The following EPHA1 variants were observed in gnomAD, a reference collection of about 807,000 sequenced individuals.
EPHA1 encodes EPH receptor A1, also known as ephrin type-A receptor 1.
A neutral mutation model predicts 110.1 loss-of-function variants in EPHA1; 92 were observed. That is an observed-to-expected ratio of 0.84 (90% CI 0.71 to 0.99). EPHA1 has a LOEUF of 0.99. Ranked by LOEUF, EPHA1 falls within the 50% of genes least tolerant of loss-of-function variation. EPHA1 has a pLI of 0.00. For synonymous variants in EPHA1, 500 were observed against 516.1 expected (o/e 0.97, Z 0.42); for missense variants, 1,204 against 1,285.4 (o/e 0.94, Z 0.97).
At chr7:143,406,767 G>A (rs1432714605) in intron 2 of EPHA1, among the ~76,000 whole-genome samples, 1 of 152,224 alleles carries the variant, frequency 6.6e-6, no homozygotes, top group Non-Finnish European at 1.5e-5. Flanking sequence ...ATCCCTACAC[G>A]CATTTTGGTG....
At position 143,391,351 on chromosome 7, in the gene EPHA1, G is replaced by A. The variant is rs1485561825; in HGVS notation, c.*106C>T. 1.1e-4 allele frequency: 146 copies of A among 1,355,246 alleles called. 1 individual carries two copies. Among genetic ancestry groups the A allele is most frequent in the Admixed American group, 2.0e-5 (1 of 49,734 alleles). The allele number at this position is 1,355,246 out of a possible 1,614,324, so 84.0% of individuals were successfully genotyped here. ...AAAGTGGGCAGAAGCAGCACCGATA[G>A]CCTAGTCTGGCAGGTTGTGGGAAGG... On this transcript the variant is annotated 3_prime_UTR_variant, in exon 18 of 18. Transcript: ENST00000275815.
chr7:143,395,360 C>T lies in EPHA1; in HGVS notation c.2042G>A (p.Ser681Asn). Residue 681 changes from serine (S) to asparagine (N), a missense_variant, in exon 12 of 18, where the codon AGC becomes AAC. Physicochemically the swap from Ser to Asn is conservative, Grantham distance 46 (BLOSUM62 1). Transcript: ENST00000275815. This position sits in a 1 kb window ranked among gnomAD's most constrained non-coding sequence, Gnocchi z 4.7. Reference sequence around the variant, plus strand: ...TTCCAGATGCAGAATATGCGGGTGGCTAAACTGGCCCATGATAGTTGCCTC... The same window carrying T: ...TTCCAGATGCAGAATATGCGGGTGGTTAAACTGGCCCATGATAGTTGCCTC... ...LREATIMGQF[S>N]HPHILHLEGV... 1 of 1,614,224 alleles carries T rather than the reference C, an allele frequency of 6.2e-7. No homozygotes were observed. The highest frequency in any genetic ancestry group is 8.5e-7 in the Non-Finnish European group (1 of 1,180,040).
chr7:143,404,107 A>G (rs772585236), intron 2 of EPHA1, among the ~76,000 whole-genome samples: 27 of 152,216 alleles, frequency 1.8e-4, no homozygotes, highest in Non-Finnish European at 3.4e-4. Flanking sequence ...AAGTTTTCCT[A>G]TCTCAAGATT....
intron 2 of EPHA1, among the ~76,000 whole-genome samples, chr7:143,404,091 C>T (rs1342162925): frequency 6.6e-6 from 1 of 152,038 alleles, no homozygotes; most frequent in Non-Finnish European, 1.5e-5. Context: ...GTATATTTGA[C>T]TTGGGAAGTT....
rs1131885 is a variant in EPHA1, at chr7:143,391,433, T to C, written c.*24A>G. 0.33 allele frequency: 533,887 copies of C among 1,612,788 alleles called. 95,875 individuals are homozygous for C. Among genetic ancestry groups the C allele is most frequent in the Non-Finnish European group, 0.37 (437,930 of 1,179,280 alleles). ...CCCGTCCTTGCTCCTTGCACCCTGA[T>C]TGGGCATGGGGTGAGAGGAGGGATC... On this transcript the variant is annotated 3_prime_UTR_variant, in exon 18 of 18. Transcript: ENST00000275815.
At position 143,395,506 on chromosome 7, in the gene EPHA1, TG is replaced by T; in HGVS notation, c.1898-3del. ...CTCGATACACTTCCCCAAACTCTCC[TG>T]GGTAGAAAGAAAACAGGCTGTGGCC... is the stretch of plus-strand genomic sequence containing the variant. On this transcript the variant is annotated splice_polypyrimidine_tract_variant and splice_region_variant and intron_variant, in intron 11 of 17. Transcript: ENST00000275815. This position sits in a 1 kb window ranked among gnomAD's most constrained non-coding sequence, Gnocchi z 4.7. 1 of 1,613,580 alleles carries T rather than the reference TG, an allele frequency of 6.2e-7. No homozygotes were observed. Among genetic ancestry groups the T allele is most frequent in the Non-Finnish European group, 8.5e-7 (1 of 1,179,684 alleles).
At position 143,399,743 on chromosome 7, in the gene EPHA1, T is replaced by A; in HGVS notation, c.743A>T (p.His248Leu). ...CAGCCACTCGCCATCAGGGCTGCAGTGCATGCGGGGTGCACCTGAGGGCCT... is the reference window on the plus strand; with the variant it reads ...CAGCCACTCGCCATCAGGGCTGCAGAGCATGCGGGGTGCACCTGAGGGCCT... The part of the protein sequence containing the change: ...SPRPSGAPRM[H>L]CSPDGEWLVP... The change falls in exon 4 of 18, where the codon CAC becomes CTC. Residue 248 changes from histidine (H) to leucine (L), a missense_variant. Physicochemically the swap from His to Leu is moderately conservative, Grantham distance 99 (BLOSUM62 -3). Transcript: ENST00000275815. The A allele has an allele frequency of 6.2e-7, 1 of 1,613,832 alleles. No individual in the cohort carries two copies. Among genetic ancestry groups the A allele is most frequent in the Non-Finnish European group, 8.5e-7 (1 of 1,180,006 alleles).
At position 143,391,352 on chromosome 7, in the gene EPHA1, C is replaced by T. The variant is rs1805071723; in HGVS notation, c.*105G>A. ...AAGTGGGCAGAAGCAGCACCGATAG[C>T]CTAGTCTGGCAGGTTGTGGGAAGGG... On this transcript the variant is annotated 3_prime_UTR_variant, in exon 18 of 18. Coordinates refer to ENST00000275815, the MANE Select transcript of EPHA1 (RefSeq NM_005232.5). The T allele has an allele frequency of 7.3e-7, 1 of 1,365,374 alleles. No homozygotes were observed. Among genetic ancestry groups the T allele is most frequent in the Non-Finnish European group, 1.0e-6 (1 of 984,732 alleles). 84.6% of individuals were successfully genotyped at this position (1,365,374 alleles called of 1,614,324 possible).
At position 143,397,710 on chromosome 7, in the gene EPHA1, AG is replaced by A. The variant is rs542834261; in HGVS notation, c.1616-54del. ...TTGGGACTCACAGTCCGTAGGAATG[AG>A]GGGGGTTAAAGGGCAGGGCCCTGGG... On this transcript the variant is annotated intron_variant, in intron 8 of 17. Coordinates refer to ENST00000275815, the MANE Select transcript of EPHA1 (RefSeq NM_005232.5). 2.5e-4 allele frequency: 403 copies of A among 1,605,142 alleles called. No homozygotes were observed. In the African/African-American group the frequency reaches 4.6e-3, roughly 18 times the overall value.
chr7:143,392,155 C>A (rs1234534909), intron 16 of EPHA1, among the ~76,000 whole-genome samples: 1 of 152,202 alleles, frequency 6.6e-6, no homozygotes, highest in African/African-American at 2.4e-5. Flanking sequence ...AGGCCTGGCA[C>A]CTGGGCGTGG....
In EPHA1 at chr7:143,395,259, T is replaced by C. The variant is rs1311736609; in HGVS notation, c.2083+60A>G. The stretch of plus-strand genomic sequence containing the variant: ...CCACACATCCTCCCTCCACTTCCAG[T>C]GGTTTCACCCCTCTTTCCTGCATTT... On this transcript the variant is annotated intron_variant, in intron 12 of 17. Coordinates refer to ENST00000275815, the MANE Select transcript of EPHA1 (RefSeq NM_005232.5). The surrounding 1 kb of genome is among the most constrained non-coding windows in gnomAD (Gnocchi z 4.7). The C allele has an allele frequency of 1.9e-6, 3 of 1,613,258 alleles. No homozygotes were observed. Among genetic ancestry groups the C allele is most frequent in the Non-Finnish European group, 2.5e-6 (3 of 1,179,856 alleles).
chr7:143,398,671 T>C lies in EPHA1; in HGVS notation c.1266A>G (p.Gln422=). ...YANYTFNVEA[Q]NGVSGLGSSG... The stretch of plus-strand genomic sequence containing the variant: ...AGCTGCCCAGCCCTGACACTCCATT[T>C]TGGGCTTCCACATTAAAGGTGTAGT... The change falls in exon 6 of 18, where the codon CAA becomes CAG. Residue 422 remains glutamine, a synonymous_variant. Coordinates refer to ENST00000275815, the MANE Select transcript of EPHA1 (RefSeq NM_005232.5). 1.2e-6 allele frequency: 2 copies of C among 1,614,104 alleles called. No individual in the cohort carries two copies. Among genetic ancestry groups the C allele is most frequent in the Non-Finnish European group, 1.7e-6 (2 of 1,179,990 alleles).
At position 143,401,509 on chromosome 7, in the gene EPHA1, A is replaced by T. The variant is rs1372113896; in HGVS notation, c.247T>A (p.Ser83Thr). Residue 83 changes from serine (S) to threonine (T), a missense_variant, in exon 3 of 18, where the codon TCC becomes ACC. Transcript: ENST00000275815. The surrounding 1 kb of genome is among the most constrained non-coding windows in gnomAD (Gnocchi z 4.1). ...GRRDTDHWLRSNWIYRGEEAS... is the reference protein window; with the variant it reads ...GRRDTDHWLRTNWIYRGEEAS... ...TCCTCCCCGCGGTAGATCCAATTGG[A>T]GCGAAGCCAGTGGTCAGTGTCTCTG... 1.9e-6 allele frequency: 3 copies of T among 1,613,972 alleles called. No individual in the cohort carries two copies. The highest frequency in any genetic ancestry group is 2.5e-6 in the Non-Finnish European group (3 of 1,180,038).
rs1286861642 is a variant in EPHA1, at chr7:143,393,700, G to A, written c.2667C>T (p.Ser889=). The change falls in exon 16 of 18, where the codon TCC becomes TCT. Residue 889 remains serine (S), a synonymous_variant. Coordinates refer to ENST00000275815, the MANE Select transcript of EPHA1 (RefSeq NM_005232.5). This position sits in a 1 kb window ranked among gnomAD's most constrained non-coding sequence, Gnocchi z 5.6. ...HLEQLLANPH[S]LRTIANFDPR... The stretch of plus-strand genomic sequence containing the variant: ...GGTCAAAGTTGGCAATGGTCCGCAG[G>A]GAGTGGGGGTTGGCAAGCAGTTGCT... 1 of 1,613,872 alleles carries A rather than the reference G, an allele frequency of 6.2e-7. No homozygotes were observed. The highest frequency in any genetic ancestry group is 8.5e-7 in the Non-Finnish European group (1 of 1,179,958).
In EPHA1 at chr7:143,395,065, G is replaced by T. The variant is rs1315156005; in HGVS notation, c.2146-51C>A. 8 of 1,613,788 alleles carry T rather than the reference G, an allele frequency of 5.0e-6. No homozygotes were observed. The highest frequency in any genetic ancestry group is 6.8e-6 in the Non-Finnish European group (8 of 1,179,802). ...AGGGGATGGGCCAGGTCTCCTCCCA[G>T]TGCCCAGGGTACCATGGTGCATCCC... On this transcript the variant is annotated intron_variant, in intron 13 of 17. Transcript: ENST00000275815. The surrounding 1 kb of genome is among the most constrained non-coding windows in gnomAD (Gnocchi z 4.7).
chr7:143,392,580 C>T lies in EPHA1; in HGVS notation c.2697-805G>A, dbSNP rs146228808. ...CACCCCCCCATCAGTTCATTCTCTA[C>T]ACTCAGGCCATATTTTTGGTAAAAT... On this transcript the variant is annotated intron_variant, in intron 16 of 17. Transcript: ENST00000275815. 6.0e-4 allele frequency among the ~76,000 whole-genome samples: 90 copies of T among 149,860 alleles called. 1 individual carries two copies. In the East Asian group the frequency reaches 0.015, roughly 25 times the overall value.
chr7:143,396,462 T>G lies in EPHA1; in HGVS notation c.1820A>C (p.Asp607Ala), dbSNP rs146399527. ...AAAGTCCAGGGCTCCCTGTGCAGGG[T>G]CCTCGTATGCCTGGAGGTCCACATA... ...KPYVDLQAYE[D>A]PAQGALDFTR... Residue 607 changes from aspartate to alanine, a missense_variant, in exon 11 of 18, where the codon GAC (aspartate) becomes GCC (alanine). Transcript: ENST00000275815. The G allele has an allele frequency of 1.2e-6, 2 of 1,613,832 alleles. No individual in the cohort carries two copies. Among genetic ancestry groups the G allele is most frequent in the Non-Finnish European group, 1.7e-6 (2 of 1,179,970 alleles).
At position 143,408,743 on chromosome 7, in the gene EPHA1, C is replaced by CG; in HGVS notation, c.62dup (p.Ala23GlyfsTer31). 9.7e-7 allele frequency: 1 copy of CG among 1,029,904 alleles called. No individual in the cohort carries two copies. Among genetic ancestry groups the CG allele is most frequent in the South Asian group, 4.9e-5 (1 of 20,370 alleles). The allele number at this position is 1,029,904 out of a possible 1,614,324, so 63.8% of individuals were successfully genotyped here. A position where few individuals can be genotyped will look rare whatever the true frequency, so the allele number is the denominator to read the frequency against. On this transcript the variant is annotated frameshift_variant, in exon 1 of 18. Coordinates refer to ENST00000275815, the MANE Select transcript of EPHA1 (RefSeq NM_005232.5). LOFTEE classifies it high-confidence loss of function. ...CGGTACCTTCCTTGGCGCGCGCCCC[C>CG]GGGGGCAGCGGGGCGCAGAGCAGCA...
rs1420192823 is a variant in EPHA1 at position 143,401,898 on chromosome 7, C to T, written c.151-293G>A. On this transcript the variant is annotated intron_variant, in intron 2 of 17. Coordinates refer to ENST00000275815, the MANE Select transcript of EPHA1 (RefSeq NM_005232.5). This position sits in a 1 kb window ranked among gnomAD's most constrained non-coding sequence, Gnocchi z 4.1. Reference sequence around the variant, plus strand: ...GCAGAACAGCCAGGTACCCCCAAGGCAAAGCTCATTTACAAAACCCTTCTG... The same window carrying T: ...GCAGAACAGCCAGGTACCCCCAAGGTAAAGCTCATTTACAAAACCCTTCTG... Among the ~76,000 whole-genome samples, 2 of 152,146 alleles carry T rather than the reference C, an allele frequency of 1.3e-5. No homozygotes were observed. The highest frequency in any genetic ancestry group is 2.4e-5 in the African/African-American group (1 of 41,424).
Sources: allele counts gnomAD v4.1 joint callset (sites outside exome capture counted in the v4.1 genomes callset), GRCh38; gene constraint gnomAD v4.1.1; non-coding constraint Gnocchi (gnomAD v3.1); transcripts MANE v1.5; gene names NCBI Gene and HGNC (gene_info 2026-07-23, HGNC 2026-07-21).